The following DNAJC11 variants were observed in gnomAD, a reference collection of about 807,000 sequenced individuals.
DNAJC11 encodes the protein DnaJ heat shock protein family (Hsp40) member C11.
DNAJC11 carries 15 observed loss-of-function variants against 78.6 expected under a neutral mutation model. That is an observed-to-expected ratio of 0.19 (90% CI 0.13 to 0.29). DNAJC11 has a LOEUF of 0.29. Among genes scored for constraint, DNAJC11 ranks in the 10% least tolerant of loss-of-function variants. The pLI is 1.00. For missense variants in DNAJC11, 547 were observed against 709.6 expected (o/e 0.77, Z 2.60); for synonymous variants, 292 against 272.1 (o/e 1.07, Z -0.72).
Position 6,643,662 on chromosome 1 carries a change from T to C in DNAJC11, c.1097+896A>G, listed in dbSNP as rs191311445. Among the ~76,000 whole-genome samples the C allele has an allele frequency of 4.2e-3, 636 of 152,112 alleles. 1 individual carries two copies. The highest frequency in any genetic ancestry group is 6.8e-3 in the Non-Finnish European group (461 of 68,004). ...GGGTATGTGTGCCAATGGAAACCCC[T>C]GGTGAGAGGGATGAACCGATATGGC... is the stretch of plus-strand genomic sequence containing the variant. On this transcript the variant is annotated intron_variant, in intron 10 of 15. Coordinates refer to ENST00000377577, the MANE Select transcript of DNAJC11 (RefSeq NM_018198.4).
intron 11 of DNAJC11, 67 bp from the exon 12 acceptor site, chr1:6,638,431 C>T (rs1428603701): frequency 2.0e-6 from 3 of 1,513,866 alleles, no homozygotes; most frequent in Non-Finnish European, 2.7e-6. Flanking sequence ...AACACAGCCC[C>T]TCCCGTGCTG....
At position 6,635,617 on chromosome 1, in the gene DNAJC11, T is replaced by C. The variant is rs185183396; in HGVS notation, c.*58A>G. The C allele has an allele frequency of 4.0e-5, 63 of 1,586,816 alleles. 1 individual carries two copies. The Admixed American group carries it at 8.6e-4, about 22-fold the overall frequency. On this transcript the variant is annotated 3_prime_UTR_variant, in exon 16 of 16. Coordinates refer to ENST00000377577, the MANE Select transcript of DNAJC11 (RefSeq NM_018198.4). Reference sequence around the variant, plus strand: ...TGTCTGGGTTTTTTCATTTCCAAATTTGTAGACTCCCAGGAAAAGATTTTT... The same window carrying C: ...TGTCTGGGTTTTTTCATTTCCAAATCTGTAGACTCCCAGGAAAAGATTTTT...
chr1:6,701,681 C>A, intron 1 of DNAJC11, 48 bp downstream of exon 1: 1 of 1,484,838 alleles, frequency 6.7e-7, no homozygotes, highest in Non-Finnish European at 8.9e-7. Context: ...CCCTCCCGAA[C>A]GACCGGGCTC....
intron 7 of DNAJC11, among the ~76,000 whole-genome samples, chr1:6,650,132 C>T (rs1211666954): frequency 6.6e-6 from 1 of 151,414 alleles, no homozygotes; most frequent in East Asian, 2.0e-4. Context: ...AAAAATTAGT[C>T]AGGCATGGTG....
intron 1 of DNAJC11, among the ~76,000 whole-genome samples, chr1:6,699,467 T>G (rs375525276): frequency 4.6e-5 from 7 of 152,188 alleles, no homozygotes; most frequent in African/African-American, 1.7e-4. Context: ...TGCCTACGGT[T>G]CAGTACGCCT....
intron 4 of DNAJC11, among the ~76,000 whole-genome samples, chr1:6,658,927 C>A (rs1175068227): frequency 1.3e-5 from 2 of 152,314 alleles, no homozygotes; most frequent in South Asian, 2.1e-4. Flanking sequence ...TGCCTGCCGG[C>A]CCTGGGTCTA....
At chr1:6,639,415 C>A (rs1371199151) in intron 11 of DNAJC11, among the ~76,000 whole-genome samples, 1 of 151,766 alleles carries the variant, frequency 6.6e-6, no homozygotes, top group South Asian at 2.1e-4. Flanking sequence ...CTGCAACATC[C>A]ACCTCCCAGG....
chr1:6,659,343 C>T (rs1642173502), intron 4 of DNAJC11, among the ~76,000 whole-genome samples: 1 of 152,226 alleles, frequency 6.6e-6, no homozygotes, highest in African/African-American at 2.4e-5. Flanking sequence ...TCCATTTTGG[C>T]CTCTGCGTTG....
rs1349877179 is a variant in DNAJC11 at position 6,665,747 on chromosome 1, G to C, written c.378+1962C>G. ...GATTTGATCATGGGACACGGATGCA[G>C]GATGATAGTGAGGTTCTCTTTCCCT... On this transcript the variant is annotated intron_variant, in intron 4 of 15. Coordinates refer to ENST00000377577, the MANE Select transcript of DNAJC11 (RefSeq NM_018198.4). 2.6e-5 allele frequency among the ~76,000 whole-genome samples: 4 copies of C among 152,182 alleles called. No individual in the cohort carries two copies. In the East Asian group the frequency reaches 7.7e-4, roughly 29 times the overall value.
intron 4 of DNAJC11, among the ~76,000 whole-genome samples, chr1:6,659,276 C>G (rs1176766971): frequency 6.6e-6 from 1 of 152,178 alleles, no homozygotes; most frequent in Non-Finnish European, 1.5e-5. Flanking sequence ...TGTCTTCTCT[C>G]ATCGTTCCAG....
intron 1 of DNAJC11, among the ~76,000 whole-genome samples, chr1:6,697,182 A>T (rs1642850856): frequency 6.6e-6 from 1 of 152,186 alleles, no homozygotes; most frequent in African/African-American, 2.4e-5. Flanking sequence ...TCTCAGTGTG[A>T]GGCAGGCACG....
At chr1:6,662,581 A>G (rs189438795) in intron 4 of DNAJC11, among the ~76,000 whole-genome samples, 10 of 152,292 alleles carry the variant, frequency 6.6e-5, no homozygotes, top group African/African-American at 1.9e-4. Context: ...CTCTGTCGCT[A>G]GAGGGTTGTA....
intron 4 of DNAJC11, among the ~76,000 whole-genome samples, chr1:6,657,911 C>T (rs1331002607): frequency 6.6e-6 from 1 of 152,222 alleles, no homozygotes; most frequent in African/African-American, 2.4e-5. Context: ...TCCCAAAGTG[C>T]TGGGATTACA....
rs548577051 is a variant in DNAJC11 at position 6,645,697 on chromosome 1, C to T, written c.894+92G>A. 2 of 1,437,094 alleles carry T rather than the reference C, an allele frequency of 1.4e-6. No homozygotes were observed. The highest frequency in any genetic ancestry group is 2.5e-5 in the South Asian group (2 of 79,204). The allele number at this position is 1,437,094 out of a possible 1,614,324, so 89.0% of individuals were successfully genotyped here. On this transcript the variant is annotated intron_variant, in intron 8 of 15. Coordinates refer to ENST00000377577, the MANE Select transcript of DNAJC11 (RefSeq NM_018198.4). This position sits in a 1 kb window ranked among gnomAD's most constrained non-coding sequence, Gnocchi z 4.1. ...GTATGGGCTTAGACTTAGTGGTGAT[C>T]AGGACGCAGGATTTAAGGGGAGCAC... is the stretch of plus-strand genomic sequence containing the variant.
Position 6,701,739 on chromosome 1 carries a change from A to C in DNAJC11, c.62T>G (p.Val21Gly). 6.4e-7 allele frequency: 1 copy of C among 1,561,692 alleles called. No individual in the cohort carries two copies. Among genetic ancestry groups the C allele is most frequent in the Non-Finnish European group, 8.6e-7 (1 of 1,156,808 alleles). The change falls in exon 1 of 16, where the codon GTG (valine) becomes GGG (glycine). Residue 21 changes from valine to glycine, a missense_variant. By Grantham distance (109) the Val-to-Gly change is moderately radical (BLOSUM62 -3). Coordinates refer to ENST00000377577, the MANE Select transcript of DNAJC11 (RefSeq NM_018198.4). The stretch of plus-strand genomic sequence containing the variant: ...AGCCGCTGGCCTCACCTCCCTGCGC[A>C]CGTTCAGCAACGAGTAATAGTCTTC... Reference protein sequence around the residue: ...DNEDYYSLLNVRREASSEELK... With the variant: ...DNEDYYSLLNGRREASSEELK...
chr1:6,640,155 C>G, intron 10 of DNAJC11, 98 bp from the exon 11 acceptor site: 1 of 1,380,078 alleles, frequency 7.2e-7, no homozygotes, highest in Non-Finnish European at 9.6e-7. Flanking sequence ...AGAACTTGTG[C>G]TGCGTGCAGC....
In DNAJC11 at chr1:6,645,432, C is replaced by T. The variant is rs1372313239; in HGVS notation, c.895-306G>A. 1.3e-5 allele frequency among the ~76,000 whole-genome samples: 2 copies of T among 152,338 alleles called. No homozygotes were observed. The highest frequency in any genetic ancestry group is 1.3e-4 in the Admixed American group (2 of 15,306). On this transcript the variant is annotated intron_variant, in intron 8 of 15. Coordinates refer to ENST00000377577, the MANE Select transcript of DNAJC11 (RefSeq NM_018198.4). The surrounding 1 kb of genome is among the most constrained non-coding windows in gnomAD (Gnocchi z 4.1). ...CCAAGGAGCAGTGGCCCGTGTGGGGCTTCTCATGTACCAGCCCTGGTGTGG... is the reference window on the plus strand; with the variant it reads ...CCAAGGAGCAGTGGCCCGTGTGGGGTTTCTCATGTACCAGCCCTGGTGTGG...
In DNAJC11 at chr1:6,653,917, G is replaced by A; in HGVS notation, c.501C>T (p.Ser167=). The change falls in exon 5 of 16, where the codon TCC becomes TCT. Residue 167 remains serine (S), a synonymous_variant. Transcript: ENST00000377577. The surrounding 1 kb of genome is among the most constrained non-coding windows in gnomAD (Gnocchi z 4.5). Reference sequence around the variant, plus strand: ...AGGTGGTTGTGTGCTTTACCTCAATGGACTGGGATATGTGCATTTTATTAA... The same window carrying A: ...AGGTGGTTGTGTGCTTTACCTCAATAGACTGGGATATGTGCATTTTATTAA... The part of the protein sequence containing the change: ...IEINKMHISQ[S]IEAPLTATDT... The A allele has an allele frequency of 6.2e-7, 1 of 1,612,194 alleles. No homozygotes were observed. The highest frequency in any genetic ancestry group is 8.5e-7 in the Non-Finnish European group (1 of 1,178,586).
Position 6,644,593 on chromosome 1 carries a change from G to A in DNAJC11, c.1062C>T (p.Ser354=), listed in dbSNP as rs755561227. 4.3e-5 allele frequency: 69 copies of A among 1,614,038 alleles called. 1 individual carries two copies. Among genetic ancestry groups the A allele is most frequent in the South Asian group, 2.1e-4 (19 of 91,092 alleles). Residue 354 remains serine (S), a synonymous_variant, in exon 10 of 16, where the codon AGC becomes AGT. Transcript: ENST00000377577. ...GAGAAACACCCTGTGGAACTCCAAC[G>A]CTGACAGCTGCACCCAAAACGCTGT... ...SRHSVLGAAV[S]VGVPQGVSLK... is the part of the protein sequence containing the mutation.
Sources: allele counts gnomAD v4.1 joint callset (sites outside exome capture counted in the v4.1 genomes callset), GRCh38; gene constraint gnomAD v4.1.1; non-coding constraint Gnocchi (gnomAD v3.1); transcripts MANE v1.5; gene names NCBI Gene and HGNC (gene_info 2026-07-23, HGNC 2026-07-21).